Variants in PRELID2 observed in about 807,000 individuals in gnomAD.
PRELID2 encodes the protein PRELI domain containing 2, also known as PRELI domain-containing protein 2.
PRELID2 carries 25 observed loss-of-function variants against 28.4 expected under a neutral mutation model. The observed-to-expected ratio is 0.88, with a 90% CI of 0.64 to 1.23. The LOEUF (loss-of-function observed/expected upper bound fraction) is 1.23. PRELID2 is among the 50% of genes most tolerant of loss of function. The pLI, the probability that PRELID2 is intolerant of heterozygous loss-of-function variation, is 0.00. For missense variants in PRELID2, 201 were observed against 214.4 expected (o/e 0.94, Z 0.39); for synonymous variants, 76 against 71.6 (o/e 1.06, Z -0.31).
intron 5 of PRELID2, among the ~76,000 whole-genome samples, chr5:145,782,013 G>A (rs1336045087): frequency 6.6e-5 from 10 of 152,078 alleles, no homozygotes; most frequent in Admixed American, 6.6e-4. Context: ...TTTCCATCCA[G>A]CACAGCGGAG....
chr5:145,373,937 A>C, the PRELID2 span, among the ~76,000 whole-genome samples: 1 of 141,688 alleles, frequency 7.1e-6, no homozygotes, highest in African/African-American at 2.6e-5. Context: ...ATTATAACAT[A>C]ATATATATGA....
the PRELID2 span, among the ~76,000 whole-genome samples, chr5:145,402,776 G>A: frequency 6.6e-6 from 1 of 152,170 alleles, no homozygotes; most frequent in African/African-American, 2.4e-5. Context: ...GCCTGATAGT[G>A]AGGATCACAA....
the PRELID2 span, among the ~76,000 whole-genome samples, chr5:145,452,565 C>T: frequency 1.3e-5 from 2 of 152,162 alleles, no homozygotes; most frequent in South Asian, 2.1e-4. Context: ...TTATTTCCCC[C>T]ACTGTAGCAC....
At chr5:145,329,763 C>A in the PRELID2 span, among the ~76,000 whole-genome samples, 1 of 152,204 alleles carries the variant, frequency 6.6e-6, no homozygotes, top group Non-Finnish European at 1.5e-5. Context: ...TATTTGAATA[C>A]CCTTTATTTC....
chr5:145,410,903 G>A, the PRELID2 span, among the ~76,000 whole-genome samples: 1 of 151,970 alleles, frequency 6.6e-6, no homozygotes, highest in Non-Finnish European at 1.5e-5. Flanking sequence ...CTGAGTCAAA[G>A]CAAATCTCTT....
At chr5:145,487,320 T>C (rs13170041) in intron 1 of PRELID2, among the ~76,000 whole-genome samples, 92,876 of 151,788 alleles carry the variant, frequency 0.61, 29,198 homozygotes, top group East Asian at 1. Flanking sequence ...ATACGGGATT[T>C]CCACTGTATT....
the PRELID2 span, among the ~76,000 whole-genome samples, chr5:145,420,971 T>C: frequency 1.5e-5 from 2 of 135,704 alleles, no homozygotes; most frequent in Non-Finnish European, 3.1e-5. Flanking sequence ...AAAGGCTTTT[T>C]CTGCATCTAT....
At chr5:145,254,917 A>T in the PRELID2 span, among the ~76,000 whole-genome samples, 3 of 112,992 alleles carry the variant, frequency 2.7e-5, no homozygotes, top group African/African-American at 4.4e-5. Context: ...ACTCTGAATT[A>T]AAAAAAAAAA....
chr5:145,510,655 A>G lies in PRELID2; in HGVS notation n.71-37340T>C, dbSNP rs1012762418. Among the ~76,000 whole-genome samples, 4 of 152,192 alleles carry G rather than the reference A, an allele frequency of 2.6e-5. No homozygotes were observed. In the South Asian group the frequency reaches 8.3e-4, roughly 32 times the overall value. Reference sequence around the variant, plus strand: ...GAGGTGATGCTAGCTATCTCCTGGAACTGTTGATAAACCAGCAGTCTCCTG... The same window carrying G: ...GAGGTGATGCTAGCTATCTCCTGGAGCTGTTGATAAACCAGCAGTCTCCTG... On this transcript the variant is annotated intron_variant and non_coding_transcript_variant, in intron 1 of 2. Coordinates refer to the PRELID2 transcript ENST00000510259.
chr5:145,633,886 C>T (rs1463169095), intron 1 of PRELID2, among the ~76,000 whole-genome samples: 2 of 152,150 alleles, frequency 1.3e-5, no homozygotes, highest in Non-Finnish European at 2.9e-5. Context: ...GCAAACTCTG[C>T]CACAAGGATG....
At chr5:145,458,382 G>A in the PRELID2 span, among the ~76,000 whole-genome samples, 2 of 152,122 alleles carry the variant, frequency 1.3e-5, no homozygotes, top group African/African-American at 2.4e-5. Flanking sequence ...ACTATGTATT[G>A]TTAGTTTAAG....
At chr5:145,333,565 C>T in the PRELID2 span, among the ~76,000 whole-genome samples, 2 of 152,104 alleles carry the variant, frequency 1.3e-5, no homozygotes, top group East Asian at 3.9e-4. Context: ...GCTTTGTTTA[C>T]AGTTAGAGGG....
At chr5:145,506,012 C>G (rs1422691990) in intron 1 of PRELID2, among the ~76,000 whole-genome samples, 1 of 152,048 alleles carries the variant, frequency 6.6e-6, no homozygotes, top group African/African-American at 2.4e-5. Flanking sequence ...TGTGGAGTTA[C>G]CAAGAGGATT....
At chr5:145,726,825 A>G (rs1756181002) in intron 1 of PRELID2, among the ~76,000 whole-genome samples, 1 of 152,070 alleles carries the variant, frequency 6.6e-6, no homozygotes, top group African/African-American at 2.4e-5. Context: ...TTGAACTTTC[A>G]CTCAAACTGT....
chr5:145,412,087 G>T, the PRELID2 span, among the ~76,000 whole-genome samples: 1 of 152,158 alleles, frequency 6.6e-6, no homozygotes, highest in Non-Finnish European at 1.5e-5. Context: ...TATGATGGGA[G>T]GGGCTGCTGT....
chr5:145,645,511 T>C (rs182570237), intron 1 of PRELID2, among the ~76,000 whole-genome samples: 26 of 152,248 alleles, frequency 1.7e-4, no homozygotes, highest in African/African-American at 5.5e-4. Flanking sequence ...TGTCTTTTAA[T>C]TGGAGCATTT....
At chr5:145,472,983 G>C (rs998775305) in intron 2 of PRELID2, among the ~76,000 whole-genome samples, 1 of 151,838 alleles carries the variant, frequency 6.6e-6, no homozygotes, top group Non-Finnish European at 1.5e-5. Context: ...AAACTCATTC[G>C]CACAAAAAGA....
intron 1 of PRELID2, among the ~76,000 whole-genome samples, chr5:145,736,218 G>A (rs1017188320): frequency 6.6e-6 from 1 of 152,164 alleles, no homozygotes; most frequent in Non-Finnish European, 1.5e-5. Context: ...TATACAGTGG[G>A]ATCACATATT....
At chr5:145,656,620 G>A (rs1754400818) in intron 1 of PRELID2, among the ~76,000 whole-genome samples, 1 of 151,962 alleles carries the variant, frequency 6.6e-6, no homozygotes, top group African/African-American at 2.4e-5. Context: ...GATGAAGCTG[G>A]AAACCATCAT....
Sources: allele counts gnomAD v4.1 joint callset (sites outside exome capture counted in the v4.1 genomes callset), GRCh38; gene constraint gnomAD v4.1.1; transcripts MANE v1.5; gene names NCBI Gene and HGNC (gene_info 2026-07-23, HGNC 2026-07-21).